The following EPB41L5 variants were observed in gnomAD, a reference collection of about 807,000 sequenced individuals.
EPB41L5 encodes the protein erythrocyte membrane protein band 4.1 like 5, also known as band 4.1-like protein 5.
Under a neutral mutation model 106.6 loss-of-function variants are expected in EPB41L5, and 55 were observed. That is an observed-to-expected ratio of 0.52 (90% CI 0.42 to 0.65). The LOEUF (loss-of-function observed/expected upper bound fraction) is 0.65. EPB41L5 is among the 30% of genes least tolerant of loss of function. The pLI is 0.00. For missense variants in EPB41L5, 871 were observed against 882.1 expected, an observed-to-expected ratio of 0.99 and a Z score of 0.16; for synonymous variants, 297 against 306.7, an observed-to-expected ratio of 0.97 and a Z score of 0.33.
intron 2 of EPB41L5, among the ~76,000 whole-genome samples, chr2:120,040,560 T>G (rs1207794980): frequency 1.3e-5 from 2 of 152,170 alleles, no homozygotes; most frequent in East Asian, 3.8e-4. Flanking sequence ...GGAAACATTT[T>G]TGGAGAAAGA....
chr2:120,162,902 C>T (rs776630702), intron 21 of EPB41L5, among the ~76,000 whole-genome samples: 3 of 151,942 alleles, frequency 2.0e-5, no homozygotes, highest in South Asian at 2.1e-4. Context: ...TTAAGTTGCA[C>T]GTTGAAATAT....
At chr2:120,154,161 A>C (rs1471773308) in intron 20 of EPB41L5, among the ~76,000 whole-genome samples, 1 of 138,024 alleles carries the variant, frequency 7.2e-6, no homozygotes, top group Admixed American at 7.3e-5. Flanking sequence ...GTATTTATTT[A>C]TTTATTTATT....
intron 3 of EPB41L5, among the ~76,000 whole-genome samples, chr2:120,065,578 G>T (rs1037117055): frequency 2.1e-4 from 31 of 149,312 alleles, no homozygotes; most frequent in African/African-American, 7.7e-4. Flanking sequence ...GTGCAGTGGC[G>T]CAATCTTGGC....
chr2:120,163,396 C>CT (rs1461011605), intron 21 of EPB41L5, among the ~76,000 whole-genome samples: 1 of 152,068 alleles, frequency 6.6e-6, no homozygotes, highest in African/African-American at 2.4e-5. Context: ...CCCAGACCCC[C>CT]TCCCTCACAG....
chr2:120,087,070 A>C (rs538118368), intron 10 of EPB41L5, 101 bp from the exon 11 acceptor site: 11 of 652,832 alleles, frequency 1.7e-5, no homozygotes, highest in African/African-American at 1.7e-4. Flanking sequence ...TTTTTAGTTC[A>C]GGAGTTAGAT....
intron 3 of EPB41L5, among the ~76,000 whole-genome samples, chr2:120,048,417 A>G (rs1679978665): frequency 6.6e-6 from 1 of 152,018 alleles, no homozygotes; most frequent in Non-Finnish European, 1.5e-5. Context: ...GAATTTATCC[A>G]TGTTTTCTAG....
At chr2:120,033,323 GT>G (rs987512073) in intron 2 of EPB41L5, among the ~76,000 whole-genome samples, 1 of 152,180 alleles carries the variant, frequency 6.6e-6, no homozygotes, top group Admixed American at 6.5e-5. Flanking sequence ...ACTCAATGAA[GT>G]TTTTTAAAAA....
intron 24 of EPB41L5, among the ~76,000 whole-genome samples, chr2:120,174,133 A>AT (rs1687827280): frequency 6.6e-6 from 1 of 152,194 alleles, no homozygotes; most frequent in Non-Finnish European, 1.5e-5. Context: ...AACTGGTAGG[A>AT]ACACAGACAC....
chr2:120,147,518 G>C (rs926687521), intron 20 of EPB41L5, among the ~76,000 whole-genome samples: 2 of 151,872 alleles, frequency 1.3e-5, no homozygotes, highest in African/African-American at 4.8e-5. Flanking sequence ...CCAGCTACTG[G>C]GGAGGCCAAG....
intron 24 of EPB41L5, among the ~76,000 whole-genome samples, chr2:120,168,462 C>T (rs1429855021): frequency 6.6e-6 from 1 of 152,174 alleles, no homozygotes; most frequent in Non-Finnish European, 1.5e-5. Context: ...CAAGGCGTTG[C>T]TTGCTACAGA....
intron 20 of EPB41L5, among the ~76,000 whole-genome samples, chr2:120,153,795 G>C (rs1686781183): frequency 6.6e-6 from 1 of 152,100 alleles, no homozygotes; most frequent in Admixed American, 6.6e-5. Flanking sequence ...CTATTTGTCT[G>C]ATATTAGTAT....
chr2:120,073,245 G>C (rs73952011), intron 4 of EPB41L5, 25 bp downstream of exon 4: 27 of 1,540,408 alleles, frequency 1.8e-5, no homozygotes, highest in East Asian at 9.2e-5. Flanking sequence ...AATTATTTGT[G>C]GGGGGGAAAG....
intron 16 of EPB41L5, chr2:120,108,041 A>G (rs947852922): frequency 6.6e-6 from 1 of 152,144 alleles, no homozygotes; most frequent in South Asian, 2.1e-4. Context: ...TTTTATTGTT[A>G]TTTTTATACT....
chr2:120,033,731 T>G (rs1475219711), intron 2 of EPB41L5, among the ~76,000 whole-genome samples: 4 of 131,872 alleles, frequency 3.0e-5, no homozygotes, highest in South Asian at 2.4e-4. Context: ...AAAAAAAAAG[T>G]AATTATGGTT....
At chr2:120,130,868 T>C (rs1359851013) in intron 17 of EPB41L5, among the ~76,000 whole-genome samples, 2 of 152,234 alleles carry the variant, frequency 1.3e-5, no homozygotes, top group African/African-American at 4.8e-5. Flanking sequence ...TCCCCCTCTT[T>C]TCTTCTTTCT....
Position 120,093,243 on chromosome 2 carries a change from T to C in EPB41L5, c.1151-6T>C. ...TAATGAGGTGTTATCTTTTTTCTTC[T>C]GTTAGCATGTGCTACAAAACCTGAA... On this transcript the variant is annotated splice_region_variant and splice_polypyrimidine_tract_variant and intron_variant, in intron 13 of 24. Coordinates refer to ENST00000263713, the MANE Select transcript of EPB41L5 (RefSeq NM_020909.4). 1 of 1,613,134 alleles carries C rather than the reference T, an allele frequency of 6.2e-7. No homozygotes were observed. The highest frequency in any genetic ancestry group is 8.5e-7 in the Non-Finnish European group (1 of 1,179,096).
chr2:120,039,912 G>A (rs1017829873), intron 2 of EPB41L5, among the ~76,000 whole-genome samples: 3 of 151,558 alleles, frequency 2.0e-5, no homozygotes, highest in African/African-American at 7.3e-5. Context: ...CTGACTTACT[G>A]ATCTCAGGTG....
intron 16 of EPB41L5, chr2:120,104,109 A>G: frequency 2.6e-6 from 4 of 1,535,754 alleles, no homozygotes; most frequent in South Asian, 1.2e-5. Context: ...CCAGTGGAAC[A>G]CAAGGGCCTT....
chr2:120,089,966 C>T (rs1392668384), intron 11 of EPB41L5, among the ~76,000 whole-genome samples: 1 of 151,950 alleles, frequency 6.6e-6, no homozygotes, highest in African/African-American at 2.4e-5. Flanking sequence ...TATAATTAGA[C>T]TCATGGCAGT....
Sources: gnomAD v4.1 joint callset for allele counts (sites outside exome capture counted in the v4.1 genomes callset) on GRCh38, gnomAD v4.1.1 for gene constraint, MANE v1.5 for transcripts, NCBI Gene and HGNC (gene_info 2026-07-23, HGNC 2026-07-21) for gene names.